Variants in TTLL11 observed in about 807,000 individuals in gnomAD.
The protein encoded by TTLL11 is tubulin polyglutamylase TTLL11.
A neutral mutation model predicts 51.7 loss-of-function variants in TTLL11; 42 were observed. The observed-to-expected ratio is 0.81, with a 90% confidence interval of 0.64 to 1.05. The LOEUF is 1.05. TTLL11 is among the 50% of genes least tolerant of loss of function. The pLI is 0.00. For missense variants in TTLL11, 799 were observed against 940.4 expected, an observed-to-expected ratio of 0.85 and a Z score of 1.97; for synonymous variants, 381 against 383.5, an observed-to-expected ratio of 0.99 and a Z score of 0.08.
intron 1 of TTLL11, among the ~76,000 whole-genome samples, chr9:122,047,772 G>A (rs1254825236): frequency 1.3e-5 from 2 of 152,144 alleles, no homozygotes; most frequent in East Asian, 3.9e-4. Flanking sequence ...TGCCTGTGCT[G>A]TTCTTTAGTT....
At chr9:122,059,404 C>G (rs1352777950) in intron 1 of TTLL11, among the ~76,000 whole-genome samples, 1 of 152,020 alleles carries the variant, frequency 6.6e-6, no homozygotes, top group Non-Finnish European at 1.5e-5. Flanking sequence ...ATTATCATAC[C>G]CATTTAACAG....
At chr9:121,997,592 G>C (rs568587855) in intron 3 of TTLL11, among the ~76,000 whole-genome samples, 1 of 152,304 alleles carries the variant, frequency 6.6e-6, no homozygotes, top group South Asian at 2.1e-4. Context: ...GGGCTTCGGA[G>C]TCAGGCAGAC....
chr9:121,939,436 T>C (rs1400489488), intron 6 of TTLL11, among the ~76,000 whole-genome samples: 1 of 152,158 alleles, frequency 6.6e-6, no homozygotes, highest in Non-Finnish European at 1.5e-5. Flanking sequence ...TGATGTCGTA[T>C]CATTTATACA....
At chr9:121,830,608 T>C (rs555851085) in intron 8 of TTLL11, among the ~76,000 whole-genome samples, 20 of 152,346 alleles carry the variant, frequency 1.3e-4, no homozygotes, top group African/African-American at 4.6e-4. Flanking sequence ...ATGATGGAGC[T>C]GAAAAGCCAT....
intron 1 of TTLL11, among the ~76,000 whole-genome samples, chr9:122,045,248 A>G (rs1844971804): frequency 6.6e-6 from 1 of 151,766 alleles, no homozygotes; most frequent in Admixed American, 6.6e-5. Context: ...TTCTGGGTGT[A>G]TCCCCCAAAA....
intron 2 of TTLL11, 111 bp downstream of exon 2, chr9:122,039,161 T>C: frequency 1.1e-6 from 1 of 880,618 alleles, no homozygotes; most frequent in Non-Finnish European, 1.8e-6. Context: ...CAATTCCCAA[T>C]TAAGAGTCCT....
At chr9:121,929,447 A>C (rs1020637040) in intron 6 of TTLL11, among the ~76,000 whole-genome samples, 2 of 152,116 alleles carry the variant, frequency 1.3e-5, no homozygotes, top group Non-Finnish European at 2.9e-5. Context: ...CTCAAAAAAA[A>C]AAAAAGTTAC....
intron 6 of TTLL11, among the ~76,000 whole-genome samples, chr9:121,919,392 G>A (rs1320387527): frequency 2.0e-5 from 3 of 152,162 alleles, no homozygotes; most frequent in Non-Finnish European, 2.9e-5. Context: ...TAGATAAAAT[G>A]CCTTAAAATG....
intron 3 of TTLL11, among the ~76,000 whole-genome samples, chr9:122,017,051 C>T (rs1046199331): frequency 6.6e-6 from 1 of 152,106 alleles, no homozygotes; most frequent in East Asian, 1.9e-4. Flanking sequence ...ACATGGGTCT[C>T]CCTCTTTCTT....
At chr9:121,857,863 G>C (rs1837876954) in intron 8 of TTLL11, among the ~76,000 whole-genome samples, 2 of 152,130 alleles carry the variant, frequency 1.3e-5, no homozygotes, top group African/African-American at 2.4e-5. Flanking sequence ...GGTAATGCTA[G>C]TTTGCAGCAA....
At chr9:121,909,280 G>C (rs903851890) in intron 6 of TTLL11, among the ~76,000 whole-genome samples, 2 of 152,140 alleles carry the variant, frequency 1.3e-5, no homozygotes, top group African/African-American at 4.8e-5. Flanking sequence ...GCAGGATGTG[G>C]GCAAACTCAC....
In TTLL11 at chr9:121,820,594, G is replaced by C. The variant is rs1321979470; in HGVS notation, c.*1993C>G. On this transcript the variant is annotated 3_prime_UTR_variant, in exon 9 of 9. Coordinates refer to ENST00000321582, the MANE Select transcript of TTLL11 (RefSeq NM_001139442.2). The stretch of plus-strand genomic sequence containing the variant: ...GAATTCATTCTCACCCAGGGACAAG[G>C]AGCCAAAGACAGACACACCTGGACC... Among the ~76,000 whole-genome samples the C allele has an allele frequency of 6.6e-6, 1 of 152,110 alleles. No homozygotes were observed. Among genetic ancestry groups the C allele is most frequent in the South Asian group, 2.1e-4 (1 of 4,824 alleles).
intron 1 of TTLL11, among the ~76,000 whole-genome samples, chr9:122,050,451 C>T (rs1278554786): frequency 6.6e-6 from 1 of 152,170 alleles, no homozygotes; most frequent in African/African-American, 2.4e-5. Flanking sequence ...AGTAATATAG[C>T]CACTGTCTTA....
At chr9:122,078,767 T>G (rs1365796449) in intron 1 of TTLL11, among the ~76,000 whole-genome samples, 2 of 152,180 alleles carry the variant, frequency 1.3e-5, no homozygotes, top group African/African-American at 4.8e-5. Flanking sequence ...TTGAGTTGTT[T>G]CAAACCCCTA....
chr9:121,817,132 C>T lies in TTLL11; in HGVS notation c.*5455G>A, dbSNP rs1836434962. 6.6e-6 allele frequency: 1 copy of T among 152,096 alleles called. No individual in the cohort carries two copies. The highest frequency in any genetic ancestry group is 1.9e-4 in the East Asian group (1 of 5,176). The allele number at this position is 152,096 out of a possible 1,614,324, so 9.4% of individuals were successfully genotyped here. ...CAAGCCCAATTCTCAATTACAGGGC[C>T]AAGGAGTAGAGGACATTAGTCAAGA... On this transcript the variant is annotated 3_prime_UTR_variant, in exon 9 of 9. Transcript: ENST00000321582.
chr9:122,008,838 A>G (rs906521063), intron 3 of TTLL11, among the ~76,000 whole-genome samples: 3 of 152,236 alleles, frequency 2.0e-5, no homozygotes, highest in African/African-American at 7.2e-5. Flanking sequence ...TGGCATGTCT[A>G]CACAATGGAA....
At chr9:121,826,481 GTA>G (rs1203750439) in intron 8 of TTLL11, among the ~76,000 whole-genome samples, 1,234 of 46,310 alleles carry the variant, frequency 0.027, 68 homozygotes, top group African/African-American at 0.09. Flanking sequence ...ATATATATAT[GTA>G]TATATATATA....
chr9:121,830,921 A>C (rs1836983837), intron 8 of TTLL11, among the ~76,000 whole-genome samples: 1 of 152,220 alleles, frequency 6.6e-6, no homozygotes, highest in South Asian at 2.1e-4. Context: ...TGGTAGGGGC[A>C]CATGTGAGAA....
intron 6 of TTLL11, among the ~76,000 whole-genome samples, chr9:121,972,944 T>G (rs981831713): frequency 6.6e-6 from 1 of 152,242 alleles, no homozygotes; most frequent in Non-Finnish European, 1.5e-5. Context: ...CCTCCCAGTC[T>G]TGAACAATTA....
Sources: allele counts gnomAD v4.1 joint callset (sites outside exome capture counted in the v4.1 genomes callset), GRCh38; gene constraint gnomAD v4.1.1; transcripts MANE v1.5; gene names NCBI Gene and HGNC (gene_info 2026-07-23, HGNC 2026-07-21).